The following ENGASE variants were observed in gnomAD, a reference collection of about 807,000 sequenced individuals.
ENGASE encodes endo-beta-N-acetylglucosaminidase.
In ENGASE, 69 loss-of-function variants were observed where a neutral mutation model predicts 78.5. The observed-to-expected ratio is 0.88, with a 90% CI of 0.72 to 1.07. The LOEUF (loss-of-function observed/expected upper bound fraction) is 1.07, where lower values mean the gene tolerates loss of function less well. Ranked by LOEUF, ENGASE falls within the 50% of genes least tolerant of loss-of-function variation. The pLI is 0.00. For missense variants in ENGASE, 943 were observed against 988.4 expected (o/e 0.95, Z 0.62); for synonymous variants, 408 against 408.9 (o/e 1.00, Z 0.03).
chr17:79,085,205 T>G, intron 11 of ENGASE, 29 bp from the exon 12 acceptor site: 1 of 1,573,808 alleles, frequency 6.4e-7, no homozygotes, highest in Non-Finnish European at 8.7e-7. Flanking sequence ...GAGATTCTCC[T>G]TTTTCAAGTT....
In ENGASE at chr17:79,083,657, G is replaced by A; in HGVS notation, c.1251+67G>A. Reference sequence around the variant, plus strand: ...GCTGGGACAGGTGGGAGGAGCCTGGGACTTGCCAGCAGGCACGGTGGTGGT... The same window carrying A: ...GCTGGGACAGGTGGGAGGAGCCTGGAACTTGCCAGCAGGCACGGTGGTGGT... On this transcript the variant is annotated intron_variant, in intron 9 of 13. Transcript: ENST00000579016. This position sits in a 1 kb window ranked among gnomAD's most constrained non-coding sequence, Gnocchi z 4.9. 2.5e-6 allele frequency: 4 copies of A among 1,576,146 alleles called. No homozygotes were observed. Among genetic ancestry groups the A allele is most frequent in the East Asian group, 4.5e-5 (2 of 44,584 alleles).
At chr17:79,076,873 C>G (rs190136404) in intron 1 of ENGASE, among the ~76,000 whole-genome samples, 1 of 151,954 alleles carries the variant, frequency 6.6e-6, no homozygotes, top group South Asian at 2.1e-4. Flanking sequence ...AAGGTTTATT[C>G]TATTTATTTA....
chr17:79,076,925 T>G (rs1393281013), intron 1 of ENGASE, among the ~76,000 whole-genome samples: 1 of 151,918 alleles, frequency 6.6e-6, no homozygotes, highest in Non-Finnish European at 1.5e-5. Context: ...CAAGTTGGAG[T>G]GTAGTGGCAC....
At chr17:79,085,800 C>T (rs1286019772) in intron 13 of ENGASE, 66 bp downstream of exon 13, 26 of 1,598,166 alleles carry the variant, frequency 1.6e-5, no homozygotes, top group East Asian at 2.3e-5. Context: ...GGGTGGAGGC[C>T]GCCCCAGGCC....
At position 79,080,342 on chromosome 17, in the gene ENGASE, T is replaced by C; in HGVS notation, c.701T>C (p.Ile234Thr). The C allele has an allele frequency of 6.2e-7, 1 of 1,613,682 alleles. No individual in the cohort carries two copies. The highest frequency in any genetic ancestry group is 8.5e-7 in the Non-Finnish European group (1 of 1,179,986). The change falls in exon 5 of 14, where the codon ATC (isoleucine) becomes ACC (threonine). Residue 234 changes from isoleucine (I) to threonine (T), a missense_variant. Ile to Thr is a moderately conservative substitution (Grantham distance 89). Transcript: ENST00000579016. ...TTTTTTCGTTTTGATGGCTGGCTGA[T>C]CAACATCGAGAACTCGCTGAGTGTG... ...TQFFRFDGWL[I>T]NIENSLSLAA...
Position 79,086,904 on chromosome 17 carries a change from T to C in ENGASE, c.*555T>C, listed in dbSNP as rs970034335. On this transcript the variant is annotated 3_prime_UTR_variant, in exon 14 of 14. Coordinates refer to ENST00000579016, the MANE Select transcript of ENGASE (RefSeq NM_001042573.3). ...GTCCTCCCAGTGTGGAAGGCCCTTTTCCCTGAGGAGTGGGCATTCTGGGCC... is the reference window on the plus strand; with the variant it reads ...GTCCTCCCAGTGTGGAAGGCCCTTTCCCCTGAGGAGTGGGCATTCTGGGCC... 6 of 457,660 alleles carry C rather than the reference T, an allele frequency of 1.3e-5. No homozygotes were observed. The highest frequency in any genetic ancestry group is 1.2e-4 in the African/African-American group (6 of 50,162). 28.3% of individuals were successfully genotyped at this position (457,660 alleles called of 1,614,324 possible). A position where few individuals can be genotyped will look rare whatever the true frequency, so the allele number is the denominator to read the frequency against.
In ENGASE at chr17:79,086,126, G is replaced by C; in HGVS notation, c.2009G>C (p.Ser670Thr). ...CFRIHCWGGM[S>T]DDSPGRELPR... ...CGAATCCACTGCTGGGGAGGGATGA[G>C]TGATGACTCTCCGGGCAGGGAGCTG... Residue 670 changes from serine (S) to threonine (T), a missense_variant, in exon 14 of 14, where the codon AGT (serine) becomes ACT (threonine). Physicochemically the swap from Ser to Thr is moderately conservative, Grantham distance 58. Transcript: ENST00000579016. 6.2e-7 allele frequency: 1 copy of C among 1,613,770 alleles called. No homozygotes were observed.
chr17:79,078,565 G>A (rs1313926168), intron 3 of ENGASE, among the ~76,000 whole-genome samples: 1 of 152,160 alleles, frequency 6.6e-6, no homozygotes, highest in African/African-American at 2.4e-5. Context: ...ATCCTGTTCT[G>A]GGTCGCTGGG....
intron 6 of ENGASE, among the ~76,000 whole-genome samples, chr17:79,081,526 C>T (rs1421812013): frequency 1.3e-5 from 2 of 152,038 alleles, no homozygotes; most frequent in Non-Finnish European, 2.9e-5. Context: ...CTCTTAACAT[C>T]CTGAGCCTCA....
Position 79,087,586 on chromosome 17 carries a change from C to G in ENGASE, c.*1237C>G, listed in dbSNP as rs1568097801. On this transcript the variant is annotated 3_prime_UTR_variant, in exon 14 of 14. Coordinates refer to ENST00000579016, the MANE Select transcript of ENGASE (RefSeq NM_001042573.3). ...TGTGGTCCTTCCACGGTGTCAGTGG[C>G]CTGAAGTCCCTCGCTTTTGGGGGGG... is the stretch of plus-strand genomic sequence containing the variant. 1 of 153,130 alleles carries G rather than the reference C, an allele frequency of 6.5e-6. No individual in the cohort carries two copies. The highest frequency in any genetic ancestry group is 1.4e-5 in the Non-Finnish European group (1 of 69,032). The allele number at this position is 153,130 out of a possible 1,614,324, so 9.5% of individuals were successfully genotyped here.
chr17:79,076,081 A>G (rs1472748729), intron 1 of ENGASE, among the ~76,000 whole-genome samples: 10 of 152,150 alleles, frequency 6.6e-5, no homozygotes, highest in Non-Finnish European at 2.9e-5. Flanking sequence ...GCCCTGGGTC[A>G]GTGTTTGGTG....
chr17:79,087,734 A>C lies in ENGASE; in HGVS notation c.*1385A>C, dbSNP rs2146029924. 6.6e-6 allele frequency: 1 copy of C among 152,388 alleles called. No homozygotes were observed. The highest frequency in any genetic ancestry group is 1.9e-4 in the East Asian group (1 of 5,154). 9.4% of individuals were successfully genotyped at this position (152,388 alleles called of 1,614,324 possible). ...CCCACACCTAAGGGCTGGCATCCAC[A>C]TCATTTCACCCTGCAGTGAGGGAAG... On this transcript the variant is annotated 3_prime_UTR_variant, in exon 14 of 14. Coordinates refer to ENST00000579016, the MANE Select transcript of ENGASE (RefSeq NM_001042573.3).
In ENGASE at chr17:79,087,202, C is replaced by A; in HGVS notation, c.*853C>A. 1 of 372,580 alleles carries A rather than the reference C, an allele frequency of 2.7e-6. No individual in the cohort carries two copies. Among genetic ancestry groups the A allele is most frequent in the Non-Finnish European group, 5.4e-6 (1 of 183,918 alleles). 23.1% of individuals were successfully genotyped at this position (372,580 alleles called of 1,614,324 possible). On this transcript the variant is annotated 3_prime_UTR_variant, in exon 14 of 14. Coordinates refer to ENST00000579016, the MANE Select transcript of ENGASE (RefSeq NM_001042573.3). The stretch of plus-strand genomic sequence containing the variant: ...GTAGCAGGTCAGTCCAGGCAGGAAG[C>A]AGCACCTGCCCCCCGCGCCAGCCCA...
chr17:79,080,902 C>G lies in ENGASE; in HGVS notation c.724-23C>G, dbSNP rs778855962. The G allele has an allele frequency of 5.6e-6, 9 of 1,601,094 alleles. No homozygotes were observed. In the Admixed American group the frequency reaches 8.5e-5, roughly 15 times the overall value. ...GATAGATCTGGGGCTCACTGAGGCT[C>G]TCACCTTGTTCTTCTCTTTCAGCTG... On this transcript the variant is annotated intron_variant, in intron 5 of 13. Coordinates refer to ENST00000579016, the MANE Select transcript of ENGASE (RefSeq NM_001042573.3).
intron 1 of ENGASE, among the ~76,000 whole-genome samples, chr17:79,076,780 C>G (rs1382084926): frequency 6.6e-6 from 1 of 152,090 alleles, no homozygotes; most frequent in African/African-American, 2.4e-5. Flanking sequence ...TGGATATTGC[C>G]CCTTGGCCAT....
At chr17:79,084,741 A>G (rs1214876183) in intron 11 of ENGASE, 55 bp downstream of exon 11, 2 of 1,582,628 alleles carry the variant, frequency 1.3e-6, no homozygotes, top group African/African-American at 2.7e-5. Context: ...CTCAGGGAAG[A>G]GAAGTGTGGA....
Position 79,080,912 on chromosome 17 carries a change from T to C in ENGASE, c.724-13T>C, listed in dbSNP as rs367772755. 6.8e-6 allele frequency: 11 copies of C among 1,606,660 alleles called. No homozygotes were observed. Among genetic ancestry groups the C allele is most frequent in the African/African-American group, 1.3e-5 (1 of 74,750 alleles). ...GGGCTCACTGAGGCTCTCACCTTGT[T>C]CTTCTCTTTCAGCTGGCCGCTGTGG... On this transcript the variant is annotated splice_polypyrimidine_tract_variant and intron_variant, in intron 5 of 13. Transcript: ENST00000579016.
chr17:79,078,814 ACT>A (rs148791679), intron 3 of ENGASE, among the ~76,000 whole-genome samples: 8,052 of 152,062 alleles, frequency 0.053, 290 homozygotes, highest in Middle Eastern at 0.092. Context: ...GTTCCGGGAG[ACT>A]CTGTTCTGAG....
Position 79,086,401 on chromosome 17 carries a change from G to A in ENGASE, c.*52G>A, listed in dbSNP as rs1314911578. On this transcript the variant is annotated 3_prime_UTR_variant, in exon 14 of 14. Transcript: ENST00000579016. ...TGGCCTCGGGCTGAGGCCTCTTCCC[G>A]GCTGTCTGCCCCTGGCCTGCGCTGG... 20 of 1,561,994 alleles carry A rather than the reference G, an allele frequency of 1.3e-5. No individual in the cohort carries two copies. The highest frequency in any genetic ancestry group is 5.4e-5 in the African/African-American group (4 of 73,952).
Sources: allele counts gnomAD v4.1 joint callset (sites outside exome capture counted in the v4.1 genomes callset), GRCh38; gene constraint gnomAD v4.1.1; non-coding constraint Gnocchi (gnomAD v3.1); transcripts MANE v1.5; gene names NCBI Gene and HGNC (gene_info 2026-07-23, HGNC 2026-07-21).